Variants in SLCO1B1 observed in about 807,000 individuals in gnomAD.
SLCO1B1 encodes the protein solute carrier organic anion transporter family member 1B1.
SLCO1B1 carries 81 observed loss-of-function variants against 70.1 expected under a neutral mutation model. That is an observed-to-expected ratio of 1.16 (90% CI 0.97 to 1.39). SLCO1B1 has a LOEUF of 1.39. Ranked by LOEUF, SLCO1B1 falls within the 40% of genes most tolerant of loss-of-function variation. SLCO1B1 has a pLI of 0.00. For missense variants in SLCO1B1, 895 were observed against 799.6 expected, an observed-to-expected ratio of 1.12 and a Z score of -1.44; for synonymous variants, 283 against 271.5, an observed-to-expected ratio of 1.04 and a Z score of -0.42.
intron 1 of SLCO1B1, among the ~76,000 whole-genome samples, chr12:21,136,227 T>A (rs1449332509): frequency 1.3e-5 from 2 of 152,214 alleles, no homozygotes; most frequent in Non-Finnish European, 2.9e-5. Context: ...CTTCCCTTTG[T>A]GGGTAACCCA....
At chr12:21,183,168 C>T (rs766193355) in intron 7 of SLCO1B1, among the ~76,000 whole-genome samples, 5 of 152,192 alleles carry the variant, frequency 3.3e-5, no homozygotes, top group Admixed American at 6.5e-5. Context: ...TCTTAAGCAC[C>T]ATTTACTGGA....
chr12:21,233,459 T>TA (rs1463653534), intron 14 of SLCO1B1, among the ~76,000 whole-genome samples: 17 of 151,630 alleles, frequency 1.1e-4, no homozygotes, highest in Non-Finnish European at 1.8e-4. Context: ...GAATTCTCCC[T>TA]AAAATCTTCT....
intron 2 of SLCO1B1, among the ~76,000 whole-genome samples, 177 bp downstream of exon 2, chr12:21,141,835 T>G (rs1940313752): frequency 6.6e-6 from 1 of 151,948 alleles, no homozygotes. Flanking sequence ...TTAATCTGAT[T>G]AAGTATTTCT....
chr12:21,216,056 G>C (rs996124), intron 11 of SLCO1B1, among the ~76,000 whole-genome samples: 146,360 of 152,276 alleles, frequency 0.96, 70,584 homozygotes, highest in East Asian at 1. Context: ...AAAAAGAATT[G>C]TGTCTACCAC....
chr12:21,182,799 G>A (rs1166308861), intron 7 of SLCO1B1, among the ~76,000 whole-genome samples: 1 of 147,782 alleles, frequency 6.8e-6, no homozygotes, highest in Non-Finnish European at 1.5e-5. Flanking sequence ...CAGCACTCAA[G>A]CAGAGGAAGA....
chr12:21,200,192 G>A (rs1449939712), intron 8 of SLCO1B1, among the ~76,000 whole-genome samples: 2 of 152,144 alleles, frequency 1.3e-5, no homozygotes, highest in Admixed American at 6.6e-5. Context: ...GAATTAATAT[G>A]TTTGCAATAG....
chr12:21,223,225 T>A (rs1941447646), intron 13 of SLCO1B1, among the ~76,000 whole-genome samples: 2 of 152,148 alleles, frequency 1.3e-5, no homozygotes, highest in African/African-American at 4.8e-5. Context: ...ATTCTGAGTA[T>A]CCTATTTCGA....
At position 21,224,768 on chromosome 12, in the gene SLCO1B1, G is replaced by A. The variant is rs201556175; in HGVS notation, c.1794G>A (p.Thr598=). ...ATTTTGGGGCTCTGATTGATACAAC[G>A]TGTATAAAGTGGTCCACCAACAACT... ...PIYFGALIDT[T]CIKWSTNNCG... The change falls in exon 14 of 15, where the codon ACG becomes ACA. Residue 598 remains threonine (T), a synonymous_variant. Coordinates refer to ENST00000256958, the MANE Select transcript of SLCO1B1 (RefSeq NM_006446.5). 3,153 of 1,612,092 alleles carry A rather than the reference G, an allele frequency of 2.0e-3. 89 individuals carry two copies. The South Asian group carries it at 0.033, about 17-fold the overall frequency.
intron 7 of SLCO1B1, among the ~76,000 whole-genome samples, chr12:21,191,633 C>A (rs1057451981): frequency 6.6e-6 from 1 of 151,802 alleles, no homozygotes; most frequent in African/African-American, 2.4e-5. Flanking sequence ...ATTTCTTTTT[C>A]TTGGTTAATT....
intron 11 of SLCO1B1, among the ~76,000 whole-genome samples, chr12:21,213,296 A>T (rs1313864855): frequency 1.3e-5 from 2 of 151,872 alleles, no homozygotes; most frequent in African/African-American, 4.8e-5. Flanking sequence ...CTTGTCTGTA[A>T]AGTATTTTAT....
chr12:21,146,312 T>G (rs1212966654), intron 2 of SLCO1B1, among the ~76,000 whole-genome samples: 2 of 152,120 alleles, frequency 1.3e-5, no homozygotes. Context: ...TTTATTTCTG[T>G]TATTAGTAAT....
intron 11 of SLCO1B1, among the ~76,000 whole-genome samples, chr12:21,207,655 T>C (rs1245238920): frequency 1.3e-5 from 2 of 152,078 alleles, no homozygotes; most frequent in African/African-American, 2.4e-5. Context: ...TTTGGGTATA[T>C]ACCCGGTAGT....
chr12:21,192,927 A>G (rs1023494915), intron 7 of SLCO1B1, among the ~76,000 whole-genome samples: 4 of 152,090 alleles, frequency 2.6e-5, no homozygotes, highest in Admixed American at 2.6e-4. Context: ...TCGTATCTAA[A>G]TATTTTCTAA....
intron 14 of SLCO1B1, among the ~76,000 whole-genome samples, chr12:21,233,079 CACCCAAT>C (rs1157285954): frequency 6.6e-6 from 1 of 152,154 alleles, no homozygotes; most frequent in Non-Finnish European, 1.5e-5. Context: ...CCTCATTCAG[CACCCAAT>C]ATTGACCTGG....
At chr12:21,185,540 T>C (rs1329323699) in intron 7 of SLCO1B1, among the ~76,000 whole-genome samples, 1 of 152,058 alleles carries the variant, frequency 6.6e-6, no homozygotes, top group Non-Finnish European at 1.5e-5. Context: ...GTTTTTGACA[T>C]TAAATAAAAT....
Position 21,172,611 on chromosome 12 carries a change from G to T in SLCO1B1, c.85-39G>T. 2.5e-6 allele frequency: 4 copies of T among 1,610,296 alleles called. No homozygotes were observed. In the South Asian group the frequency reaches 3.3e-5, roughly 13 times the overall value. ...GCCTATTGACATTATATAGTCCTTC[G>T]ATTAACCATTTTCCCCCTTTCCTTC... On this transcript the variant is annotated intron_variant, in intron 2 of 14. Coordinates refer to ENST00000256958, the MANE Select transcript of SLCO1B1 (RefSeq NM_006446.5).
intron 4 of SLCO1B1, among the ~76,000 whole-genome samples, chr12:21,175,749 A>G (rs1045472486): frequency 6.6e-6 from 1 of 151,588 alleles, no homozygotes; most frequent in Non-Finnish European, 1.5e-5. Flanking sequence ...ATTTTTTTTC[A>G]TCTGCTTTTG....
intron 2 of SLCO1B1, among the ~76,000 whole-genome samples, chr12:21,160,452 C>T (rs1291447906): frequency 5.3e-5 from 8 of 151,656 alleles, no homozygotes; most frequent in Admixed American, 4.6e-4. Flanking sequence ...GGACCCCTTC[C>T]TTACACCATA....
intron 1 of SLCO1B1, among the ~76,000 whole-genome samples, chr12:21,133,717 T>A (rs146041677): frequency 6.6e-6 from 1 of 152,200 alleles, no homozygotes; most frequent in Non-Finnish European, 1.5e-5. Flanking sequence ...GCTTATCAAC[T>A]TGAGGAAATT....
Sources: allele counts gnomAD v4.1 joint callset (sites outside exome capture counted in the v4.1 genomes callset), GRCh38; gene constraint gnomAD v4.1.1; transcripts MANE v1.5; gene names NCBI Gene and HGNC (gene_info 2026-07-23, HGNC 2026-07-21).